The following KLHL25 variants were observed in gnomAD, a reference collection of about 807,000 sequenced individuals.
KLHL25 encodes kelch like family member 25.
A neutral mutation model predicts 30.0 loss-of-function variants in KLHL25; 41 were observed. The observed-to-expected ratio is 1.37, with a 90% CI of 1.07 to 1.78. The LOEUF (loss-of-function observed/expected upper bound fraction) is 1.78. Among genes scored for constraint, KLHL25 ranks in the 40% most tolerant of loss-of-function variants. The pLI, the probability that KLHL25 is intolerant of heterozygous loss-of-function variation, is 0.00. For synonymous variants in KLHL25, 399 were observed against 355.3 expected, an observed-to-expected ratio of 1.12 and a Z score of -1.38; for missense variants, 971 against 824.5, an observed-to-expected ratio of 1.18 and a Z score of -2.18.
At chr15:85,779,595 A>G (rs1164360705) in intron 1 of KLHL25, among the ~76,000 whole-genome samples, 6 of 152,236 alleles carry the variant, frequency 3.9e-5, no homozygotes, top group Non-Finnish European at 8.8e-5. Flanking sequence ...TTCAGCTTTT[A>G]TCCCAAAACA....
At chr15:85,775,438 G>A (rs1047802958) in intron 1 of KLHL25, among the ~76,000 whole-genome samples, 2 of 152,192 alleles carry the variant, frequency 1.3e-5, no homozygotes, top group Non-Finnish European at 2.9e-5. Context: ...AGAAACCCAA[G>A]ACACGGCCCT....
intron 1 of KLHL25, among the ~76,000 whole-genome samples, chr15:85,793,083 T>C (rs2089828208): frequency 7.4e-6 from 1 of 134,520 alleles, no homozygotes; most frequent in Admixed American, 7.6e-5. Context: ...GCCCAAGTGA[T>C]AGACGGGACG....
rs763666698 is a variant in KLHL25 at position 85,769,218 on chromosome 15, G to A, written c.593C>T (p.Ser198Leu). The change falls in exon 2 of 3, where the codon TCG becomes TTG. Residue 198 changes from serine to leucine, a missense_variant. Physicochemically the swap from Ser to Leu is moderately radical, Grantham distance 145. Transcript: ENST00000337975. ...LSKDTLLDLI[S>L]SDELETEDER... ...GTCCTCGGTCTCCAGCTCATCACTC[G>A]AGATGAGGTCCAGCAGTGTGTCCTT... 3.5e-5 allele frequency: 57 copies of A among 1,613,616 alleles called. No individual in the cohort carries two copies. The highest frequency in any genetic ancestry group is 4.1e-5 in the Non-Finnish European group (48 of 1,180,050).
chr15:85,778,810 G>C (rs971409052), intron 1 of KLHL25, among the ~76,000 whole-genome samples: 4 of 152,182 alleles, frequency 2.6e-5, no homozygotes, highest in Non-Finnish European at 5.9e-5. Context: ...CCCTTAAGCA[G>C]TCCTTCTCCA....
intron 1 of KLHL25, among the ~76,000 whole-genome samples, chr15:85,783,573 T>C (rs2089759257): frequency 6.6e-6 from 1 of 151,688 alleles, no homozygotes; most frequent in Admixed American, 6.6e-5. Flanking sequence ...GCATCTGTAA[T>C]CCCAGCTACT....
intron 1 of KLHL25, among the ~76,000 whole-genome samples, chr15:85,771,668 C>T (rs1349751710): frequency 6.6e-6 from 1 of 152,272 alleles, no homozygotes; most frequent in East Asian, 1.9e-4. Context: ...TAAGACACTG[C>T]TGTCCAAACC....
chr15:85,781,893 G>C (rs1241674805), intron 1 of KLHL25, among the ~76,000 whole-genome samples: 4 of 152,084 alleles, frequency 2.6e-5, no homozygotes, highest in Non-Finnish European at 5.9e-5. Context: ...CATCCCGTTT[G>C]TACTGTGATG....
chr15:85,771,660 A>C (rs1434622032), intron 1 of KLHL25, among the ~76,000 whole-genome samples: 1 of 152,246 alleles, frequency 6.6e-6, no homozygotes, highest in Non-Finnish European at 1.5e-5. Context: ...GACCTGCCTA[A>C]GACACTGCTG....
chr15:85,779,131 C>A (rs2089728498), intron 1 of KLHL25, among the ~76,000 whole-genome samples: 1 of 151,818 alleles, frequency 6.6e-6, no homozygotes, highest in Admixed American at 6.6e-5. Context: ...CTGTTCAGGC[C>A]ACACATCCAG....
At chr15:85,778,281 G>C (rs1217393365) in intron 1 of KLHL25, among the ~76,000 whole-genome samples, 1 of 152,118 alleles carries the variant, frequency 6.6e-6, no homozygotes. Flanking sequence ...CATCTCACTG[G>C]CCAAATCCAG....
At chr15:85,787,446 C>CA (rs1013387072) in intron 1 of KLHL25, among the ~76,000 whole-genome samples, 32 of 150,830 alleles carry the variant, frequency 2.1e-4, no homozygotes, top group Non-Finnish European at 3.3e-4. Flanking sequence ...AACTCAGTCT[C>CA]AAAAAAAAAT....
chr15:85,781,162 G>T (rs940871081), intron 1 of KLHL25, among the ~76,000 whole-genome samples: 1 of 152,024 alleles, frequency 6.6e-6, no homozygotes, highest in African/African-American at 2.4e-5. Context: ...TGGTGGTGGC[G>T]GGCACCTGTA....
intron 1 of KLHL25, among the ~76,000 whole-genome samples, chr15:85,773,166 T>C (rs1349253621): frequency 6.6e-6 from 1 of 152,256 alleles, no homozygotes; most frequent in East Asian, 1.9e-4. Flanking sequence ...GCAGGGACCA[T>C]GTGTGGGGCT....
rs756219999 is a variant in KLHL25, at chr15:85,769,780, A to C, written c.31T>G (p.Ser11Ala). 1 of 1,611,752 alleles carries C rather than the reference A, an allele frequency of 6.2e-7. No individual in the cohort carries two copies. Among genetic ancestry groups the C allele is most frequent in the Non-Finnish European group, 8.5e-7 (1 of 1,179,620 alleles). The part of the protein sequence containing the change: MSVSVHETRK[S>A]RSSTGSMNVT... The stretch of plus-strand genomic sequence containing the variant: ...TTCATGGACCCCGTGCTGCTCCGCG[A>C]CTTGCGGGTCTCATGGACACTGACC... Residue 11 changes from serine (S) to alanine (A), a missense_variant, in exon 2 of 3, where the codon TCG becomes GCG. By Grantham distance (99) the Ser-to-Ala change is moderately conservative. Coordinates refer to ENST00000337975, the MANE Select transcript of KLHL25 (RefSeq NM_022480.4).
At position 85,760,822 on chromosome 15, in the gene KLHL25, G is replaced by A. The variant is rs1475787479; in HGVS notation, c.*214C>T. 3 of 152,436 alleles carry A rather than the reference G, an allele frequency of 2.0e-5. No homozygotes were observed. The highest frequency in any genetic ancestry group is 4.8e-5 in the African/African-American group (2 of 41,472). The allele number at this position is 152,436 out of a possible 1,614,324, so 9.4% of individuals were successfully genotyped here. The stretch of plus-strand genomic sequence containing the variant: ...TCTTCCCACAAACCACTGCAAAGCT[G>A]AAGAGGCCCCCAGGGGCACGGATGC... On this transcript the variant is annotated 3_prime_UTR_variant, in exon 3 of 3. Transcript: ENST00000337975.
intron 1 of KLHL25, among the ~76,000 whole-genome samples, chr15:85,773,776 C>A (rs961592085): frequency 3.9e-5 from 6 of 152,176 alleles, no homozygotes; most frequent in African/African-American, 1.4e-4. Flanking sequence ...GGGGTGACAG[C>A]CGTGTTGCCA....
At position 85,769,554 on chromosome 15, in the gene KLHL25, G is replaced by C. The variant is rs1249274158; in HGVS notation, c.257C>G (p.Thr86Ser). The C allele has an allele frequency of 5.6e-6, 9 of 1,613,858 alleles. No homozygotes were observed. Among genetic ancestry groups the C allele is most frequent in the Non-Finnish European group, 7.6e-6 (9 of 1,180,046 alleles). The stretch of plus-strand genomic sequence containing the variant: ...GTGCAGGTTGTCCTGGAAGTTGACA[G>C]TGTCATCCCGGCTCTCCCGAAGGCC... ...SHGLRESRDD[T>S]VNFQDNLHPE... Residue 86 changes from threonine to serine, a missense_variant, in exon 2 of 3, where the codon ACT becomes AGT. Physicochemically the swap from Thr to Ser is moderately conservative, Grantham distance 58 (BLOSUM62 1). Transcript: ENST00000337975.
rs144157820 is a variant in KLHL25 at position 85,768,945 on chromosome 15, C to G, written c.866G>C (p.Arg289Pro). Reference sequence around the variant, plus strand: ...TAGCGTGTGGCCCGCCTTGCGTGGCCGGGCACAGGGGCTGGTGACCACGCC... The same window carrying G: ...TAGCGTGTGGCCCGCCTTGCGTGGCGGGGCACAGGGGCTGGTGACCACGCC... The part of the protein sequence containing the change: ...NDGVVTSPCA[R>P]PRKAGHTLLI... Residue 289 changes from arginine to proline, a missense_variant, in exon 2 of 3, where the codon CGG becomes CCG. By Grantham distance (103) the Arg-to-Pro change is moderately radical (BLOSUM62 -2). Transcript: ENST00000337975. 24 of 1,613,182 alleles carry G rather than the reference C, an allele frequency of 1.5e-5. No individual in the cohort carries two copies. The highest frequency in any genetic ancestry group is 5.9e-6 in the Non-Finnish European group (7 of 1,180,054).
intron 2 of KLHL25, among the ~76,000 whole-genome samples, chr15:85,766,840 C>T (rs2089628901): frequency 6.6e-6 from 1 of 152,224 alleles, no homozygotes; most frequent in Admixed American, 6.5e-5. Flanking sequence ...TCTCCCCATC[C>T]CTTGCATGCT....
Sources: gnomAD v4.1 joint callset for allele counts (sites outside exome capture counted in the v4.1 genomes callset) on GRCh38, gnomAD v4.1.1 for gene constraint, MANE v1.5 for transcripts, NCBI Gene and HGNC (gene_info 2026-07-23, HGNC 2026-07-21) for gene names.